TMCO4: variants seen among roughly 807,000 people sequenced by gnomAD.
The protein encoded by TMCO4 is transmembrane and coiled-coil domains 4, also known as transmembrane and coiled-coil domain-containing protein 4.
A neutral mutation model predicts 64.7 loss-of-function variants in TMCO4; 58 were observed. The ratio of observed to expected loss-of-function variants is 0.90; its 90% CI spans 0.73 to 1.12. The LOEUF is 1.12. TMCO4 is among the 50% of genes most tolerant of loss of function. The pLI, the probability that TMCO4 is intolerant of heterozygous loss-of-function variation, is 0.00. For synonymous variants in TMCO4, 325 were observed against 346.1 expected (o/e 0.94, Z 0.68); for missense variants, 780 against 825.9 (o/e 0.94, Z 0.68).
chr1:19,745,720 T>G (rs1194211462), intron 9 of TMCO4, 69 bp from the exon 10 acceptor site: 1 of 1,542,654 alleles, frequency 6.5e-7, no homozygotes, highest in African/African-American at 1.4e-5. Flanking sequence ...GGTGGCTGTA[T>G]GTTCTCACAC....
intron 7 of TMCO4, among the ~76,000 whole-genome samples, chr1:19,749,275 A>G (rs982923702): frequency 1.3e-5 from 2 of 152,188 alleles, no homozygotes; most frequent in Admixed American, 1.3e-4. Flanking sequence ...AAGATTATGC[A>G]TCCCTGCCCT....
chr1:19,768,894 A>G (rs2042861796), intron 6 of TMCO4, among the ~76,000 whole-genome samples: 1 of 152,142 alleles, frequency 6.6e-6, no homozygotes, highest in South Asian at 2.1e-4. Flanking sequence ...TACCACACTG[A>G]GAGTAGCAAG....
intron 4 of TMCO4, among the ~76,000 whole-genome samples, chr1:19,779,298 G>A (rs1298458959): frequency 1.3e-5 from 2 of 151,970 alleles, no homozygotes; most frequent in South Asian, 2.1e-4. Context: ...TGCCTCACCC[G>A]CAACACTCAA....
chr1:19,705,421 A>G (rs1222578840), intron 13 of TMCO4, among the ~76,000 whole-genome samples: 1 of 152,136 alleles, frequency 6.6e-6, no homozygotes, highest in East Asian at 1.9e-4. Flanking sequence ...ACTGCACTCC[A>G]GCCTGGGCGA....
At position 19,683,265 on chromosome 1, in the gene TMCO4, C is replaced by T; in HGVS notation, c.1680G>A (p.Gly560=). 3 of 1,614,094 alleles carry T rather than the reference C, an allele frequency of 1.9e-6. No individual in the cohort carries two copies. Among genetic ancestry groups the T allele is most frequent in the South Asian group, 1.1e-5 (1 of 91,080 alleles). Residue 560 remains glycine (G), a synonymous_variant, in exon 16 of 16, where the codon GGG becomes GGA. Coordinates refer to ENST00000294543, the MANE Select transcript of TMCO4 (RefSeq NM_181719.7). ...ASSGETPHQV[G]QTQGPISGDT... ...CTCCGGATATGGGACCCTGGGTTTG[C>T]CCAACCTGGTGGGGGGTCTCGCCTG...
In TMCO4 at chr1:19,746,495, T is replaced by C. The variant is rs370284039; in HGVS notation, c.718A>G (p.Met240Val). 9 of 1,612,978 alleles carry C rather than the reference T, an allele frequency of 5.6e-6. No homozygotes were observed. Among genetic ancestry groups the C allele is most frequent in the Admixed American group, 5.0e-5 (3 of 59,874 alleles). Residue 240 changes from methionine (M) to valine (V), a missense_variant, in exon 9 of 16, where the codon ATG (methionine) becomes GTG (valine). Coordinates refer to ENST00000294543, the MANE Select transcript of TMCO4 (RefSeq NM_181719.7). The stretch of plus-strand genomic sequence containing the variant: ...CCAGCTGCACCAAACAGCGAGGTCA[T>C]GATGGCTATGCCGGCTGCTGAGCCC... Reference protein sequence around the residue: ...ALGSAAGIAIMTSLFGAAGAG... With the variant: ...ALGSAAGIAIVTSLFGAAGAG...
chr1:19,790,687 G>A (rs376520108), intron 2 of TMCO4, among the ~76,000 whole-genome samples: 1 of 152,196 alleles, frequency 6.6e-6, no homozygotes, highest in South Asian at 2.1e-4. Flanking sequence ...CAGAGAAATA[G>A]GAACACTCTT....
intron 6 of TMCO4, among the ~76,000 whole-genome samples, chr1:19,759,482 C>T (rs1205979952): frequency 2.0e-5 from 3 of 152,202 alleles, no homozygotes; most frequent in Non-Finnish European, 4.4e-5. Flanking sequence ...CATTTCTTTC[C>T]ATGGTCTGCA....
At chr1:19,735,889 G>A (rs962233645) in intron 13 of TMCO4, among the ~76,000 whole-genome samples, 1 of 152,172 alleles carries the variant, frequency 6.6e-6, no homozygotes, top group African/African-American at 2.4e-5. Context: ...AATGATGACA[G>A]CAGAGAGGAT....
At position 19,797,361 on chromosome 1, in the gene TMCO4, G is replaced by C. The variant is rs2044357459; in HGVS notation, c.-101+776C>G. ...ACAAGTCTGGCTAGGGCTAAAATGT[G>C]AAGAATGAGAAGATGTTACCTGGGA... On this transcript the variant is annotated intron_variant, in intron 2 of 15. Coordinates refer to ENST00000294543, the MANE Select transcript of TMCO4 (RefSeq NM_181719.7). Among the ~76,000 whole-genome samples the C allele has an allele frequency of 3.9e-5, 6 of 152,268 alleles. No individual in the cohort carries two copies. In the South Asian group the frequency reaches 1.2e-3, roughly 32 times the overall value.
intron 7 of TMCO4, among the ~76,000 whole-genome samples, chr1:19,748,805 C>T (rs1189541433): frequency 6.6e-6 from 1 of 151,946 alleles, no homozygotes; most frequent in Non-Finnish European, 1.5e-5. Flanking sequence ...AGCTTGGGAA[C>T]AGAGTGAGAC....
At chr1:19,759,932 A>G (rs1236576529) in intron 6 of TMCO4, among the ~76,000 whole-genome samples, 1 of 152,110 alleles carries the variant, frequency 6.6e-6, no homozygotes, top group East Asian at 1.9e-4. Context: ...GAGCTGACCA[A>G]AGTTCTCTCT....
At chr1:19,736,313 C>G (rs563859373) in intron 13 of TMCO4, among the ~76,000 whole-genome samples, 27 of 152,266 alleles carry the variant, frequency 1.8e-4, no homozygotes, top group Non-Finnish European at 3.5e-4. Flanking sequence ...GGAAAACCCA[C>G]CCCCCTGATT....
rs532986941 is a variant in TMCO4 at position 19,786,211 on chromosome 1, C to T, written c.-9+815G>A. On this transcript the variant is annotated intron_variant, in intron 3 of 15. Transcript: ENST00000294543. ...ATTTGAGGCTGCAGCGAGCCGTGAT[C>T]GCACTATTGCCCTCCAGCCTGGTGA... 3.1e-3 allele frequency among the ~76,000 whole-genome samples: 475 copies of T among 152,306 alleles called. 1 individual carries two copies. The highest frequency in any genetic ancestry group is 0.011 in the African/African-American group (442 of 41,566).
At chr1:19,773,385 C>T (rs1452591176) in intron 4 of TMCO4, among the ~76,000 whole-genome samples, 2 of 152,042 alleles carry the variant, frequency 1.3e-5, no homozygotes, top group Admixed American at 6.6e-5. Context: ...GTCTCAGCAG[C>T]CCCTGCAGGG....
Position 19,683,156 on chromosome 1 carries a change from G to A in TMCO4, c.1789C>T (p.Pro597Ser). 1 of 1,614,210 alleles carries A rather than the reference G, an allele frequency of 6.2e-7. No individual in the cohort carries two copies. The highest frequency in any genetic ancestry group is 1.1e-5 in the South Asian group (1 of 91,092). Residue 597 changes from proline to serine, a missense_variant, in exon 16 of 16, where the codon CCT becomes TCT. Pro to Ser is a moderately conservative substitution (Grantham distance 74, BLOSUM62 -1). Transcript: ENST00000294543. ...GGCCTTTCAGGGCTGGCAGCAGCAG[G>A]AAGGGAGGCCCCTTCAGACTGGTCC... ...GLDQSEGASLPAAASPERPPI... is the reference protein window; with the variant it reads ...GLDQSEGASLSAAASPERPPI...
At position 19,745,438 on chromosome 1, in the gene TMCO4, A is replaced by G; in HGVS notation, c.877+94T>C. 3 of 1,580,960 alleles carry G rather than the reference A, an allele frequency of 1.9e-6. No homozygotes were observed. The East Asian group carries it at 6.8e-5, about 36-fold the overall frequency. On this transcript the variant is annotated intron_variant, in intron 10 of 15. Transcript: ENST00000294543. ...TCCTCTGCGAAATGGGGCTCCCTATACCTGCTCCCTAGTGCAGGTAAAAAC... is the reference window on the plus strand; with the variant it reads ...TCCTCTGCGAAATGGGGCTCCCTATGCCTGCTCCCTAGTGCAGGTAAAAAC...
chr1:19,686,260 C>G (rs1341333480), intron 15 of TMCO4, among the ~76,000 whole-genome samples: 12 of 152,104 alleles, frequency 7.9e-5, no homozygotes, highest in Admixed American at 1.3e-4. Flanking sequence ...CACGTTATAC[C>G]CAGCCAGTCG....
At position 19,682,412 on chromosome 1, in the gene TMCO4, G is replaced by T; in HGVS notation, c.*628C>A. On this transcript the variant is annotated 3_prime_UTR_variant, in exon 16 of 16. Coordinates refer to ENST00000294543, the MANE Select transcript of TMCO4 (RefSeq NM_181719.7). ...GGTGTCCAGATGTTGCATGACGGGG[G>T]AGCACACTCACATTGTGTCTGTGTG... 1.8e-6 allele frequency: 1 copy of T among 562,246 alleles called. No individual in the cohort carries two copies. The highest frequency in any genetic ancestry group is 2.8e-5 in the East Asian group (1 of 35,434). 34.8% of individuals were successfully genotyped at this position (562,246 alleles called of 1,614,324 possible). A position where few individuals can be genotyped will look rare whatever the true frequency, so the allele number is the denominator to read the frequency against.
Sources: allele counts gnomAD v4.1 joint callset (sites outside exome capture counted in the v4.1 genomes callset), GRCh38; gene constraint gnomAD v4.1.1; transcripts MANE v1.5; gene names NCBI Gene and HGNC (gene_info 2026-07-23, HGNC 2026-07-21).